ABI3BP: variants seen among roughly 807,000 people sequenced by gnomAD.
ABI3BP encodes the protein ABI family member 3 binding protein.
Under a neutral mutation model 268.6 loss-of-function variants are expected in ABI3BP, and 216 were observed. That is an observed-to-expected ratio of 0.80 (90% CI 0.72 to 0.90). The LOEUF is 0.90. Ranked by LOEUF, ABI3BP falls within the 40% of genes least tolerant of loss-of-function variation. The pLI, the probability that ABI3BP is intolerant of heterozygous loss-of-function variation, is 0.00. For missense variants in ABI3BP, 2,090 were observed against 2,182.4 expected (o/e 0.96, Z 0.84); for synonymous variants, 730 against 730.0 (o/e 1.00, Z 0.00).
At chr3:100,992,739 G>A (rs2713758) in intron 1 of ABI3BP, among the ~76,000 whole-genome samples, 128,331 of 152,238 alleles carry the variant, frequency 0.84, 54,147 homozygotes, top group East Asian at 0.97. Context: ...AGCCAAGAAA[G>A]GGGGGAGTGT....
At chr3:100,822,766 AG>A (rs1453551781) in intron 37 of ABI3BP, 94 bp from the exon 38 acceptor site, 11 of 1,092,926 alleles carry the variant, frequency 1.0e-5, no homozygotes, top group Non-Finnish European at 1.5e-5. Flanking sequence ...ACTGCTTGAT[AG>A]ATATTTGCCT....
intron 6 of ABI3BP, among the ~76,000 whole-genome samples, chr3:100,877,987 T>C (rs1483693750): frequency 6.6e-6 from 1 of 152,208 alleles, no homozygotes. Flanking sequence ...GGTTCTTATG[T>C]TTTAAAAAAA....
At chr3:100,942,361 T>TA (rs2069757098) in intron 1 of ABI3BP, among the ~76,000 whole-genome samples, 1 of 152,146 alleles carries the variant, frequency 6.6e-6, no homozygotes, top group Admixed American at 6.6e-5. Context: ...AAGTAGTTTT[T>TA]ATCCCATGAG....
chr3:100,766,767 G>A (rs2096286060), intron 62 of ABI3BP, among the ~76,000 whole-genome samples: 1 of 152,094 alleles, frequency 6.6e-6, no homozygotes, highest in South Asian at 2.1e-4. Flanking sequence ...AGATGATACA[G>A]AGGACTAAAA....
intron 6 of ABI3BP, among the ~76,000 whole-genome samples, chr3:100,880,314 C>A (rs1285236099): frequency 1.3e-5 from 2 of 152,168 alleles, no homozygotes; most frequent in Non-Finnish European, 2.9e-5. Context: ...CATTCCCTTG[C>A]TGGCTCTCTT....
chr3:100,933,377 T>C (rs1270473318), intron 1 of ABI3BP, among the ~76,000 whole-genome samples: 2 of 151,902 alleles, frequency 1.3e-5, no homozygotes, highest in African/African-American at 4.8e-5. Context: ...CATAGTGTGT[T>C]CTTCTTTTAT....
chr3:100,804,601 G>A (rs565540993), intron 51 of ABI3BP, among the ~76,000 whole-genome samples, 191 bp downstream of exon 51: 3 of 152,214 alleles, frequency 2.0e-5, no homozygotes, highest in African/African-American at 7.2e-5. Context: ...TTTTGACTGT[G>A]ATCACAGCTT....
chr3:100,867,353 A>T (rs2099061867), intron 9 of ABI3BP, among the ~76,000 whole-genome samples: 1 of 152,066 alleles, frequency 6.6e-6, no homozygotes, highest in Non-Finnish European at 1.5e-5. Flanking sequence ...ACCTATAGAA[A>T]ATTTCCGGCC....
rs149644155 is a variant in ABI3BP at position 100,833,556 on chromosome 3, T to C, written c.2282-399A>G. ...GCAATTACTGATATGTTTAAGCAGA[T>C]ACACTGATGAATGACTAAAACAGAT... On this transcript the variant is annotated intron_variant, in intron 29 of 67. Transcript: ENST00000471714. Among the ~76,000 whole-genome samples, 547 of 152,314 alleles carry C rather than the reference T, an allele frequency of 3.6e-3. 2 individuals are homozygous for C. Among genetic ancestry groups the C allele is most frequent in the Middle Eastern group, 6.8e-3 (2 of 294 alleles).
rs751880035 is a variant in ABI3BP, at chr3:100,850,708, T to C, written c.1378A>G (p.Ile460Val). The C allele has an allele frequency of 2.0e-5, 33 of 1,613,172 alleles. No homozygotes were observed. The highest frequency in any genetic ancestry group is 1.0e-4 in the Admixed American group (6 of 59,998). Residue 460 changes from isoleucine to valine, a missense_variant, in exon 16 of 68, where the codon ATC (isoleucine) becomes GTC (valine). By Grantham distance (29) the Ile-to-Val change is conservative. Coordinates refer to ENST00000471714, the MANE Select transcript of ABI3BP (RefSeq NM_001375547.2). ...TATSDRILDS[I>V]PPKTSRTLEQ... Reference sequence around the variant, plus strand: ...AGAGTTCTAGAAGTTTTAGGTGGGATAGAATCCAGAATACGATCACTTGTT... The same window carrying C: ...AGAGTTCTAGAAGTTTTAGGTGGGACAGAATCCAGAATACGATCACTTGTT...
chr3:100,749,840 T>TTTTAGCTGAAATGA lies in ABI3BP; in HGVS notation c.*641_*654dup. On this transcript the variant is annotated 3_prime_UTR_variant, in exon 68 of 68. Transcript: ENST00000471714. Reference sequence around the variant, plus strand: ...TTTGAAACAATATATTAGACTCCATTTTTAGCTGAAATGAAATTTACTGAT... The same window carrying TTTTAGCTGAAATGA: ...TTTGAAACAATATATTAGACTCCATTTTTAGCTGAAATGATTTAGCTGAAATGAAATTTACTGAT... 5.0e-6 allele frequency: 2 copies of TTTTAGCTGAAATGA among 396,920 alleles called. No homozygotes were observed. Among genetic ancestry groups the TTTTAGCTGAAATGA allele is most frequent in the Non-Finnish European group, 8.9e-6 (2 of 225,222 alleles). 24.6% of individuals were successfully genotyped at this position (396,920 alleles called of 1,614,324 possible).
chr3:100,977,989 G>A (rs1440901169), intron 1 of ABI3BP, among the ~76,000 whole-genome samples: 1 of 152,050 alleles, frequency 6.6e-6, no homozygotes, highest in African/African-American at 2.4e-5. Context: ...TTGGTAAAAG[G>A]CATCTGTCTA....
chr3:100,781,876 G>C (rs1055734451), intron 57 of ABI3BP, among the ~76,000 whole-genome samples: 3 of 152,136 alleles, frequency 2.0e-5, no homozygotes. Flanking sequence ...CCACAGATGA[G>C]AAAATCCAAG....
In ABI3BP at chr3:100,949,126, T is replaced by C. The variant is rs534120683; in HGVS notation, c.80-22645A>G. Reference sequence around the variant, plus strand: ...ATAAATATAGCTTTATATCTTTATTTTTAATGACACTACTGTCTTTCAATT... The same window carrying C: ...ATAAATATAGCTTTATATCTTTATTCTTAATGACACTACTGTCTTTCAATT... On this transcript the variant is annotated intron_variant, in intron 1 of 67. Coordinates refer to ENST00000471714, the MANE Select transcript of ABI3BP (RefSeq NM_001375547.2). Among the ~76,000 whole-genome samples the C allele has an allele frequency of 5.3e-5, 8 of 152,346 alleles. No homozygotes were observed. The East Asian group carries it at 1.3e-3, about 26-fold the overall frequency.
Position 100,785,529 on chromosome 3 carries a change from A to T in ABI3BP, c.4162+2199T>A, listed in dbSNP as rs146373263. ...TCCATAATAATATGCTACATAGATG[A>T]TCATGTTATCTATAATTTCTGAATT... is the stretch of plus-strand genomic sequence containing the variant. On this transcript the variant is annotated intron_variant, in intron 57 of 67. Transcript: ENST00000471714. Among the ~76,000 whole-genome samples, 549 of 152,324 alleles carry T rather than the reference A, an allele frequency of 3.6e-3. 5 individuals are homozygous for T. Among genetic ancestry groups the T allele is most frequent in the Non-Finnish European group, 5.3e-3 (360 of 68,028 alleles).
At chr3:100,952,529 A>G (rs1473949285) in intron 1 of ABI3BP, 4 of 152,198 alleles carry the variant, frequency 2.6e-5, no homozygotes, top group Non-Finnish European at 5.9e-5. Context: ...TAAAAACACC[A>G]TGGAATATGC....
chr3:100,982,560 G>A (rs952525461), intron 1 of ABI3BP, among the ~76,000 whole-genome samples: 2 of 151,618 alleles, frequency 1.3e-5, no homozygotes, highest in African/African-American at 2.4e-5. Context: ...TGACTTACTC[G>A]GGCTCACGTG....
chr3:100,816,301 T>C (rs1324676068), intron 43 of ABI3BP: 1 of 457,134 alleles, frequency 2.2e-6, no homozygotes, highest in Non-Finnish European at 3.9e-6. Context: ...GAGAAATATA[T>C]ATGAAAGTAA....
At chr3:100,958,439 A>G (rs1421905517) in intron 1 of ABI3BP, among the ~76,000 whole-genome samples, 6 of 152,244 alleles carry the variant, frequency 3.9e-5, no homozygotes, top group Admixed American at 3.9e-4. Context: ...CAATTTTACC[A>G]TATGATAAAT....
Sources: gnomAD v4.1 joint callset for allele counts (sites outside exome capture counted in the v4.1 genomes callset) on GRCh38, gnomAD v4.1.1 for gene constraint, MANE v1.5 for transcripts, NCBI Gene and HGNC (gene_info 2026-07-23, HGNC 2026-07-21) for gene names.